Variants in EXT1 observed in about 807,000 individuals in gnomAD.
EXT1 encodes exostosin glycosyltransferase 1.
A neutral mutation model predicts 82.5 loss-of-function variants in EXT1; 20 were observed. The ratio of observed to expected loss-of-function variants is 0.24; its 90% CI spans 0.17 to 0.35. The LOEUF is 0.35. Among genes scored for constraint, EXT1 ranks in the 10% least tolerant of loss-of-function variants. EXT1 has a pLI of 1.00. For synonymous variants in EXT1, 348 were observed against 350.8 expected (o/e 0.99, Z 0.09); for missense variants, 757 against 936.5 (o/e 0.81, Z 2.50).
chr8:118,040,466 A>C (rs1343114685), intron 1 of EXT1, among the ~76,000 whole-genome samples: 1 of 152,206 alleles, frequency 6.6e-6, no homozygotes, highest in Non-Finnish European at 1.5e-5. Context: ...ATTGGATAGC[A>C]AACCTACTGG....
chr8:117,901,118 T>A (rs969021649), intron 1 of EXT1, among the ~76,000 whole-genome samples: 1 of 152,140 alleles, frequency 6.6e-6, no homozygotes, highest in African/African-American at 2.4e-5. Context: ...TAGAATACAG[T>A]CATGAGTCAC....
At chr8:117,963,322 C>T (rs927354691) in intron 1 of EXT1, among the ~76,000 whole-genome samples, 1 of 152,160 alleles carries the variant, frequency 6.6e-6, no homozygotes, top group Non-Finnish European at 1.5e-5. Context: ...CATTTCTGTA[C>T]ATAAGGTGGT....
chr8:118,074,800 T>C (rs1817175533), intron 1 of EXT1, among the ~76,000 whole-genome samples: 1 of 152,050 alleles, frequency 6.6e-6, no homozygotes, highest in Admixed American at 6.5e-5. Flanking sequence ...ATGGAAAGCA[T>C]ATAAATCCCT....
At chr8:118,094,702 C>T (rs777724549) in intron 1 of EXT1, among the ~76,000 whole-genome samples, 78 of 152,200 alleles carry the variant, frequency 5.1e-4, no homozygotes, top group Non-Finnish European at 9.1e-4. Context: ...TGACCAAGGT[C>T]TCGTAGCTAG....
At chr8:117,984,513 G>T (rs538835732) in intron 1 of EXT1, among the ~76,000 whole-genome samples, 1 of 152,018 alleles carries the variant, frequency 6.6e-6, no homozygotes, top group East Asian at 1.9e-4. Flanking sequence ...CCTCCCTCAT[G>T]ACTGACTTTG....
chr8:118,048,696 A>T (rs939394084), intron 1 of EXT1, among the ~76,000 whole-genome samples: 4 of 152,238 alleles, frequency 2.6e-5, no homozygotes, highest in Non-Finnish European at 5.9e-5. Flanking sequence ...AAAAAACTGA[A>T]GATTAAAAAT....
At chr8:117,952,649 T>C (rs1490918143) in intron 1 of EXT1, among the ~76,000 whole-genome samples, 1 of 151,700 alleles carries the variant, frequency 6.6e-6, no homozygotes, top group East Asian at 1.9e-4. Context: ...GTAATCCCAG[T>C]CACTTGGGAG....
intron 4 of EXT1, 96 bp downstream of exon 4, chr8:117,830,133 CT>C (rs1812073936): frequency 6.5e-7 from 1 of 1,537,662 alleles, no homozygotes; most frequent in Admixed American, 1.7e-5. Flanking sequence ...TTTTGCCCCA[CT>C]GGACCAATCA....
At chr8:117,979,653 C>T (rs957530237) in intron 1 of EXT1, among the ~76,000 whole-genome samples, 2 of 152,004 alleles carry the variant, frequency 1.3e-5, no homozygotes, top group Admixed American at 6.6e-5. Flanking sequence ...GTAACTAGAC[C>T]GGGCAAAACA....
intron 1 of EXT1, among the ~76,000 whole-genome samples, chr8:118,037,894 G>A (rs1347287548): frequency 7.2e-6 from 1 of 139,450 alleles, no homozygotes; most frequent in African/African-American, 2.9e-5. Flanking sequence ...AGACTGCAGT[G>A]CAATGGCATG....
chr8:117,991,525 T>C (rs1248918148), intron 1 of EXT1, among the ~76,000 whole-genome samples: 1 of 152,046 alleles, frequency 6.6e-6, no homozygotes, highest in Non-Finnish European at 1.5e-5. Flanking sequence ...CCTTTTGAAC[T>C]TGGCAACTAC....
intron 1 of EXT1, among the ~76,000 whole-genome samples, chr8:117,923,467 C>T (rs1354924553): frequency 6.6e-6 from 1 of 151,828 alleles, no homozygotes; most frequent in Admixed American, 6.6e-5. Flanking sequence ...CCTGTAATCC[C>T]AGCAATTTGG....
intron 1 of EXT1, among the ~76,000 whole-genome samples, chr8:117,885,494 CAAA>C (rs11300586): frequency 1.6e-4 from 17 of 103,382 alleles, no homozygotes; most frequent in East Asian, 5.8e-4. Flanking sequence ...AAGTAACAGA[CAAA>C]AAAAAAAAAA....
At chr8:118,079,176 A>T (rs992790928) in intron 1 of EXT1, among the ~76,000 whole-genome samples, 3 of 152,220 alleles carry the variant, frequency 2.0e-5, no homozygotes, top group African/African-American at 7.2e-5. Flanking sequence ...GCATAGGAAA[A>T]AATAATTTTA....
chr8:117,895,161 A>T (rs1376977325), intron 1 of EXT1, among the ~76,000 whole-genome samples: 1 of 152,122 alleles, frequency 6.6e-6, no homozygotes, highest in Non-Finnish European at 1.5e-5. Context: ...ACAGTGAGTG[A>T]TTTGATAACA....
chr8:117,897,298 A>T (rs540196013), intron 1 of EXT1, among the ~76,000 whole-genome samples: 12 of 152,288 alleles, frequency 7.9e-5, no homozygotes, highest in South Asian at 6.2e-4. Flanking sequence ...AGGAGCTGGT[A>T]GTCATGCATC....
chr8:117,928,113 T>C (rs150336275), intron 1 of EXT1, among the ~76,000 whole-genome samples: 1 of 152,298 alleles, frequency 6.6e-6, no homozygotes, highest in East Asian at 1.9e-4. Context: ...ATCATACATA[T>C]CTTAGACCTT....
intron 1 of EXT1, among the ~76,000 whole-genome samples, chr8:118,109,717 G>A (rs943001885): frequency 6.6e-5 from 10 of 152,056 alleles, no homozygotes; most frequent in Non-Finnish European, 1.3e-4. Flanking sequence ...CAGCCTCTCC[G>A]GGTCTCTAGA....
At chr8:117,984,592 G>C (rs1022366019) in intron 1 of EXT1, among the ~76,000 whole-genome samples, 2 of 152,192 alleles carry the variant, frequency 1.3e-5, no homozygotes, top group Non-Finnish European at 2.9e-5. Flanking sequence ...TGTTGGGAGA[G>C]GATGGGAAGG....
Sources: gnomAD v4.1 joint callset for allele counts (sites outside exome capture counted in the v4.1 genomes callset) on GRCh38, gnomAD v4.1.1 for gene constraint, MANE v1.5 for transcripts, NCBI Gene and HGNC (gene_info 2026-07-23, HGNC 2026-07-21) for gene names.